Variants in AKAP8 observed in about 807,000 individuals in gnomAD.
AKAP8 encodes the protein A-kinase anchoring protein 8.
AKAP8 carries 24 observed loss-of-function variants against 67.5 expected under a neutral mutation model. The ratio of observed to expected loss-of-function variants is 0.36; its 90% confidence interval spans 0.26 to 0.50. The LOEUF (loss-of-function observed/expected upper bound fraction) is 0.50, where lower values mean the gene tolerates loss of function less well. Among genes scored for constraint, AKAP8 ranks in the 20% least tolerant of loss-of-function variants. The probability of loss-of-function intolerance (pLI) is 0.97; values close to 1 mark genes in which losing one functional copy is unlikely to be tolerated. For synonymous variants in AKAP8, 400 were observed against 371.1 expected, an observed-to-expected ratio of 1.08 and a Z score of -0.90; for missense variants, 971 against 955.9, an observed-to-expected ratio of 1.02 and a Z score of -0.21.
intron 2 of AKAP8, among the ~76,000 whole-genome samples, chr19:15,375,829 G>C (rs542707164): frequency 6.6e-6 from 1 of 151,978 alleles, no homozygotes. Flanking sequence ...TAGTAGAGAC[G>C]GGGTTTCACT....
rs915468157 is a variant in AKAP8, at chr19:15,369,271, A to C, written c.1072+875T>G. ...CCTTTGCTTTAGCATTGTGCCGCTA[A>C]GCGCTCGGGGCGCCCCGTGCTATGG... is the stretch of plus-strand genomic sequence containing the variant. On this transcript the variant is annotated intron_variant, in intron 8 of 13. Coordinates refer to ENST00000269701, the MANE Select transcript of AKAP8 (RefSeq NM_005858.4). The surrounding 1 kb of genome is among the most constrained non-coding windows in gnomAD (Gnocchi z 4.6). 2 of 985,386 alleles carry C rather than the reference A, an allele frequency of 2.0e-6. No individual in the cohort carries two copies. The highest frequency in any genetic ancestry group is 2.4e-6 in the Non-Finnish European group (2 of 829,972). 61.0% of individuals were successfully genotyped at this position (985,386 alleles called of 1,614,324 possible). A position where few individuals can be genotyped will look rare whatever the true frequency, so the allele number is the denominator to read the frequency against.
At chr19:15,360,218 C>T (rs1249076379) in intron 12 of AKAP8, among the ~76,000 whole-genome samples, 6 of 152,074 alleles carry the variant, frequency 3.9e-5, no homozygotes, top group Non-Finnish European at 5.9e-5. Context: ...GATGGGTGAG[C>T]AGCTCTTGAC....
intron 7 of AKAP8, among the ~76,000 whole-genome samples, chr19:15,371,134 C>A (rs900878506): frequency 2.0e-5 from 3 of 152,154 alleles, no homozygotes; most frequent in Non-Finnish European, 4.4e-5. Flanking sequence ...CCTGCCTGTT[C>A]CCTGCCTGTG....
At chr19:15,373,644 A>AC (rs770566526) in intron 4 of AKAP8, 142 bp downstream of exon 4, 6 of 1,095,246 alleles carry the variant, frequency 5.5e-6, no homozygotes, top group Admixed American at 2.9e-5. Flanking sequence ...AACATCACTG[A>AC]CCCCCCACGA....
rs181687369 is a variant in AKAP8 at position 15,363,635 on chromosome 19, C to T, written c.1161-1384G>A. Among the ~76,000 whole-genome samples, 1,470 of 152,032 alleles carry T rather than the reference C, an allele frequency of 9.7e-3. 13 individuals are homozygous for T. The highest frequency in any genetic ancestry group is 0.016 in the Non-Finnish European group (1,060 of 67,948). The stretch of plus-strand genomic sequence containing the variant: ...GGAAGTGAGGAGCCCCTCTGCCCAG[C>T]CACCACCCTGTCTGGGAGGTGTACC... On this transcript the variant is annotated intron_variant, in intron 9 of 13. Coordinates refer to ENST00000269701, the MANE Select transcript of AKAP8 (RefSeq NM_005858.4).
intron 13 of AKAP8, among the ~76,000 whole-genome samples, chr19:15,357,381 A>G (rs892099371): frequency 8.1e-6 from 1 of 122,942 alleles, no homozygotes; most frequent in African/African-American, 3.1e-5. Context: ...GTGAGCCGGG[A>G]TCGCACCACT....
In AKAP8 at chr19:15,362,187, G is replaced by A; in HGVS notation, c.1225C>T (p.Leu409=). 3.7e-6 allele frequency: 6 copies of A among 1,614,166 alleles called. No individual in the cohort carries two copies. Among genetic ancestry groups the A allele is most frequent in the Non-Finnish European group, 5.1e-6 (6 of 1,180,028 alleles). ...SFDDEEIQKH[L]QSKFHKETLR... ...GTCTCTTTGTGAAATTTGCTTTGCA[G>A]ATGCTTCTGGATCTCTTCGTCATCA... The change falls in exon 10 of 14, where the codon CTG becomes TTG. Residue 409 remains leucine (L), a synonymous_variant. Coordinates refer to ENST00000269701, the MANE Select transcript of AKAP8 (RefSeq NM_005858.4).
chr19:15,368,851 C>T, intron 8 of AKAP8: 13 of 985,290 alleles, frequency 1.3e-5, no homozygotes, highest in Non-Finnish European at 1.6e-5. Flanking sequence ...CGACCTCTAT[C>T]TTCCACTCAC....
In AKAP8 at chr19:15,353,420, T is replaced by C. The variant is rs1311625576; in HGVS notation, c.*1495A>G. Reference sequence around the variant, plus strand: ...CTACTGTTTAATGCTACCGACATTTTTGCCTTAAGAGAACAAGCTTAAAAG... The same window carrying C: ...CTACTGTTTAATGCTACCGACATTTCTGCCTTAAGAGAACAAGCTTAAAAG... On this transcript the variant is annotated 3_prime_UTR_variant, in exon 14 of 14. Transcript: ENST00000269701. 7.4e-5 allele frequency: 5 copies of C among 67,182 alleles called. No homozygotes were observed. The highest frequency in any genetic ancestry group is 1.9e-4 in the Admixed American group (1 of 5,212). The allele number at this position is 67,182 out of a possible 1,614,324, so 4.2% of individuals were successfully genotyped here.
chr19:15,368,015 C>T lies in AKAP8; in HGVS notation c.1160+220G>A, dbSNP rs146173679. 5.3e-4 allele frequency among the ~76,000 whole-genome samples: 81 copies of T among 152,360 alleles called. 1 individual carries two copies. In the East Asian group the frequency reaches 0.011, roughly 21 times the overall value. Reference sequence around the variant, plus strand: ...AACAGAAACCTAACCACCAAAGCAACGTCCCAGCCATCCTAGAAGACAGGT... The same window carrying T: ...AACAGAAACCTAACCACCAAAGCAATGTCCCAGCCATCCTAGAAGACAGGT... On this transcript the variant is annotated intron_variant, in intron 9 of 13. Transcript: ENST00000269701.
In AKAP8 at chr19:15,353,508, C is replaced by T. The variant is rs1436355905; in HGVS notation, c.*1407G>A. On this transcript the variant is annotated 3_prime_UTR_variant, in exon 14 of 14. Coordinates refer to ENST00000269701, the MANE Select transcript of AKAP8 (RefSeq NM_005858.4). Reference sequence around the variant, plus strand: ...ACAAACGGATGCTGAGCAGAAATGACCCAGAGGCACCATCGTCTTTTCAAG... The same window carrying T: ...ACAAACGGATGCTGAGCAGAAATGATCCAGAGGCACCATCGTCTTTTCAAG... 6.6e-6 allele frequency: 1 copy of T among 151,942 alleles called. No homozygotes were observed. Among genetic ancestry groups the T allele is most frequent in the African/African-American group, 2.4e-5 (1 of 41,358 alleles). 9.4% of individuals were successfully genotyped at this position (151,942 alleles called of 1,614,324 possible).
At chr19:15,370,315 C>T (rs1967133314) in intron 7 of AKAP8, 136 bp from the exon 8 acceptor site, 1 of 972,338 alleles carries the variant, frequency 1.0e-6, no homozygotes, top group East Asian at 2.5e-5. Context: ...GAATGAGCCA[C>T]AGTGTGTTAG....
At chr19:15,361,229 C>T (rs1024006629) in intron 11 of AKAP8, among the ~76,000 whole-genome samples, 4 of 149,890 alleles carry the variant, frequency 2.7e-5, no homozygotes, top group African/African-American at 9.9e-5. Context: ...CTTAATGTCA[C>T]TGATATAAGC....
intron 13 of AKAP8, among the ~76,000 whole-genome samples, chr19:15,357,458 A>T (rs1211055724): frequency 1.7e-5 from 2 of 120,500 alleles, no homozygotes; most frequent in African/African-American, 3.1e-5. Context: ...AAAAAAAAAA[A>T]TTAGCCAGGT....
chr19:15,368,048 G>A (rs1170608785), intron 9 of AKAP8, among the ~76,000 whole-genome samples, 187 bp downstream of exon 9: 1 of 152,250 alleles, frequency 6.6e-6, no homozygotes, highest in Admixed American at 6.5e-5. Flanking sequence ...GGTAGCTCGT[G>A]TGCTGGGAGC....
intron 9 of AKAP8, among the ~76,000 whole-genome samples, chr19:15,363,146 G>A (rs986384434): frequency 4.0e-5 from 6 of 150,688 alleles, no homozygotes; most frequent in Admixed American, 2.6e-4. Flanking sequence ...GAGAAGTAAG[G>A]AGCCCCTCCG....
At position 15,362,179 on chromosome 19, in the gene AKAP8, G is replaced by A. The variant is rs1966977711; in HGVS notation, c.1233C>T (p.Ser411=). 4 of 1,614,000 alleles carry A rather than the reference G, an allele frequency of 2.5e-6. No homozygotes were observed. The African/African-American group carries it at 4.0e-5, about 16-fold the overall frequency. ...ACCGCAGGGTCTCTTTGTGAAATTT[G>A]CTTTGCAGATGCTTCTGGATCTCTT... ...DDEEIQKHLQ[S]KFHKETLRFI... The change falls in exon 10 of 14, where the codon AGC becomes AGT. Residue 411 remains serine, a synonymous_variant. Coordinates refer to ENST00000269701, the MANE Select transcript of AKAP8 (RefSeq NM_005858.4).
intron 8 of AKAP8, 130 bp downstream of exon 8, chr19:15,370,016 G>A: frequency 9.1e-7 from 1 of 1,099,622 alleles, no homozygotes; most frequent in Non-Finnish European, 1.4e-6. Context: ...CCATCTGGTG[G>A]CTGCAGCCCC....
At chr19:15,370,302 C>A in intron 7 of AKAP8, 123 bp from the exon 8 acceptor site, 2 of 1,070,832 alleles carry the variant, frequency 1.9e-6, no homozygotes, top group East Asian at 2.5e-5. Flanking sequence ...GCTATGCCAC[C>A]AAGAATGAGC....
Sources: gnomAD v4.1 joint callset for allele counts (sites outside exome capture counted in the v4.1 genomes callset) on GRCh38, gnomAD v4.1.1 for gene constraint, Gnocchi (gnomAD v3.1) non-coding constraint, MANE v1.5 for transcripts, NCBI Gene and HGNC (gene_info 2026-07-23, HGNC 2026-07-21) for gene names.